DPP10: variants seen among roughly 807,000 people sequenced by gnomAD.
DPP10 encodes dipeptidyl peptidase like 10, also known as inactive dipeptidyl peptidase 10.
DPP10 carries 33 observed loss-of-function variants against 120.9 expected under a neutral mutation model. The observed-to-expected ratio is 0.27, with a 90% CI of 0.21 to 0.37. The LOEUF is 0.37. Among genes scored for constraint, DPP10 ranks in the 10% least tolerant of loss-of-function variants. The probability of loss-of-function intolerance (pLI) is 1.00; values close to 1 mark genes in which losing one functional copy is unlikely to be tolerated. For missense variants in DPP10, 816 were observed against 942.8 expected (o/e 0.87, Z 1.76); for synonymous variants, 337 against 326.1 (o/e 1.03, Z -0.36).
intron 1 of DPP10, among the ~76,000 whole-genome samples, chr2:115,004,807 G>T (rs1321170611): frequency 6.6e-6 from 1 of 152,176 alleles, no homozygotes; most frequent in African/African-American, 2.4e-5. Context: ...GCCCACCATT[G>T]CCCAGGCTTG....
intron 1 of DPP10, among the ~76,000 whole-genome samples, chr2:114,782,202 G>A (rs1682393610): frequency 6.6e-6 from 1 of 151,872 alleles, no homozygotes; most frequent in South Asian, 2.1e-4. Context: ...AGAATGGATA[G>A]TCTTCTATTT....
At chr2:114,743,050 C>T (rs1319009630) in intron 1 of DPP10, among the ~76,000 whole-genome samples, 1 of 152,214 alleles carries the variant, frequency 6.6e-6, no homozygotes, top group Non-Finnish European at 1.5e-5. Context: ...AAATCCATCA[C>T]TATGGTTCAG....
chr2:115,227,771 G>A (rs1416527616), intron 1 of DPP10, among the ~76,000 whole-genome samples: 2 of 151,994 alleles, frequency 1.3e-5, no homozygotes, highest in East Asian at 3.9e-4. Context: ...ATGCAGAATA[G>A]TATCCCATTA....
intron 1 of DPP10, among the ~76,000 whole-genome samples, chr2:115,016,303 T>C (rs960260794): frequency 2.6e-5 from 4 of 152,188 alleles, no homozygotes; most frequent in Admixed American, 1.3e-4. Context: ...GCTAGCCATA[T>C]GCAGAAGACT....
At chr2:115,162,261 G>T (rs1214642325) in intron 1 of DPP10, 3 of 1,558,974 alleles carry the variant, frequency 1.9e-6, no homozygotes, top group Non-Finnish European at 2.6e-6. Context: ...CCGCGGGGAA[G>T]GGGGCAGAGA....
At chr2:115,214,320 A>G (rs1368547024) in intron 1 of DPP10, among the ~76,000 whole-genome samples, 1 of 152,210 alleles carries the variant, frequency 6.6e-6, no homozygotes, top group Admixed American at 6.5e-5. Context: ...TTCTGCTGCA[A>G]TTGCAGGAGT....
intron 21 of DPP10, among the ~76,000 whole-genome samples, chr2:115,827,447 T>TATATATATAA (rs1388130768): frequency 7.9e-6 from 1 of 126,838 alleles, no homozygotes; most frequent in African/African-American, 2.9e-5. Flanking sequence ...TATATATATA[T>TATATATATAA]GCTCTACAGT....
chr2:115,744,127 A>G (rs1016098119), intron 9 of DPP10, among the ~76,000 whole-genome samples: 1 of 150,658 alleles, frequency 6.6e-6, no homozygotes, highest in Non-Finnish European at 1.5e-5. Context: ...GTAGGCCCAC[A>G]CTGAGAGATT....
intron 1 of DPP10, among the ~76,000 whole-genome samples, chr2:114,906,510 C>T (rs547835383): frequency 3.0e-4 from 46 of 152,158 alleles, no homozygotes; most frequent in African/African-American, 1.0e-3. Flanking sequence ...TTCACAGACA[C>T]CTTTTATTAG....
intron 1 of DPP10, among the ~76,000 whole-genome samples, chr2:115,117,810 G>A (rs913099929): frequency 7.9e-5 from 12 of 152,204 alleles, no homozygotes; most frequent in Admixed American, 3.9e-4. Context: ...CTTAAGGGTC[G>A]GGGAGGGGAG....
chr2:115,522,116 T>A (rs1223058573), intron 4 of DPP10, among the ~76,000 whole-genome samples: 1 of 152,144 alleles, frequency 6.6e-6, no homozygotes, highest in Admixed American at 6.5e-5. Flanking sequence ...TTCTAACTTT[T>A]TTGAAAAAAA....
chr2:115,002,218 G>A (rs995200142), intron 1 of DPP10, among the ~76,000 whole-genome samples: 14 of 151,842 alleles, frequency 9.2e-5, no homozygotes, highest in African/African-American at 3.4e-4. Context: ...CAACAAAACA[G>A]ATCACCTACA....
At chr2:115,704,499 C>G (rs1236611723) in intron 7 of DPP10, among the ~76,000 whole-genome samples, 1 of 151,898 alleles carries the variant, frequency 6.6e-6, no homozygotes, top group East Asian at 1.9e-4. Flanking sequence ...TCCATTTCTT[C>G]CTCCTCCTTT....
At chr2:115,197,177 A>C (rs2055340661) in intron 1 of DPP10, among the ~76,000 whole-genome samples, 1 of 152,134 alleles carries the variant, frequency 6.6e-6, no homozygotes, top group Non-Finnish European at 1.5e-5. Context: ...GCGGATCATG[A>C]GGTCAGGAGA....
intron 3 of DPP10, among the ~76,000 whole-genome samples, chr2:115,352,506 G>A (rs2064099497): frequency 6.6e-6 from 1 of 152,120 alleles, no homozygotes; most frequent in African/African-American, 2.4e-5. Flanking sequence ...TAGAATAATA[G>A]ATACATTGAC....
intron 5 of DPP10, among the ~76,000 whole-genome samples, chr2:115,526,900 G>A (rs2078165048): frequency 6.6e-6 from 1 of 152,092 alleles, no homozygotes; most frequent in Non-Finnish European, 1.5e-5. Context: ...AGGGATTTTA[G>A]TCAAAGGCCT....
chr2:115,341,432 C>T (rs998613400), intron 2 of DPP10, among the ~76,000 whole-genome samples: 1 of 152,138 alleles, frequency 6.6e-6, no homozygotes, highest in African/African-American at 2.4e-5. Context: ...GGCACAATTG[C>T]TATCACTCAT....
At chr2:114,825,458 A>G (rs1686442871) in intron 1 of DPP10, among the ~76,000 whole-genome samples, 1 of 152,184 alleles carries the variant, frequency 6.6e-6, no homozygotes, top group Non-Finnish European at 1.5e-5. Context: ...CCACCTGACC[A>G]GGTATAATTT....
At chr2:114,504,975 C>T (rs907361242) in intron 1 of DPP10, among the ~76,000 whole-genome samples, 30 of 137,050 alleles carry the variant, frequency 2.2e-4, no homozygotes, top group Admixed American at 5.6e-4. Context: ...TCGCTTGAAC[C>T]GGGGAGGCAG....
Sources: gnomAD v4.1 joint callset for allele counts (sites outside exome capture counted in the v4.1 genomes callset) on GRCh38, gnomAD v4.1.1 for gene constraint, MANE v1.5 for transcripts, NCBI Gene and HGNC (gene_info 2026-07-23, HGNC 2026-07-21) for gene names.